Variants in IL19 observed in about 807,000 individuals in gnomAD.
The protein encoded by IL19 is interleukin-19.
A neutral mutation model predicts 19.5 loss-of-function variants in IL19; 15 were observed. That is an observed-to-expected ratio of 0.77 (90% CI 0.52 to 1.19). The LOEUF (loss-of-function observed/expected upper bound fraction) is 1.19. Among genes scored for constraint, IL19 ranks in the 50% most tolerant of loss-of-function variants. IL19 has a pLI of 0.00. For synonymous variants in IL19, 78 were observed against 78.3 expected (o/e 1.00, Z 0.02); for missense variants, 199 against 213.1 (o/e 0.93, Z 0.41).
intron 2 of IL19, among the ~76,000 whole-genome samples, chr1:206,816,819 C>A (rs902037051): frequency 3.9e-5 from 6 of 152,060 alleles, no homozygotes; most frequent in Non-Finnish European, 7.4e-5. Flanking sequence ...AATAGGTTAA[C>A]AGTGAAAGAA....
intron 2 of IL19, among the ~76,000 whole-genome samples, chr1:206,806,734 T>C (rs1675856207): frequency 6.6e-6 from 1 of 152,188 alleles, no homozygotes; most frequent in Admixed American, 6.5e-5. Context: ...CTTTCCACTA[T>C]CAATCTGGTA....
intron 2 of IL19, among the ~76,000 whole-genome samples, chr1:206,818,170 C>G (rs1360882574): frequency 1.3e-5 from 2 of 152,196 alleles, no homozygotes; most frequent in Non-Finnish European, 2.9e-5. Flanking sequence ...ACCAAGTTGG[C>G]CTAATTAACA....
intron 1 of IL19, among the ~76,000 whole-genome samples, chr1:206,780,229 C>G (rs1233827116): frequency 1.3e-5 from 2 of 152,120 alleles, no homozygotes; most frequent in Non-Finnish European, 2.9e-5. Flanking sequence ...TTTGATTGAC[C>G]TCTGTCTCTC....
intron 1 of IL19, chr1:206,772,343 G>T (rs912319533): frequency 3.1e-6 from 5 of 1,614,160 alleles, no homozygotes; most frequent in East Asian, 4.5e-5. Context: ...CTGGGAAGTG[G>T]GTGCAGCTGT....
chr1:206,823,008 C>T (rs1158119152), intron 2 of IL19, among the ~76,000 whole-genome samples: 1 of 151,538 alleles, frequency 6.6e-6, no homozygotes, highest in African/African-American at 2.4e-5. Context: ...CGGCTCACTG[C>T]AGCCTCCACC....
In IL19 at chr1:206,797,883, G is replaced by T. The variant is rs538077181; in HGVS notation, c.-148-978G>T. 2.6e-5 allele frequency among the ~76,000 whole-genome samples: 4 copies of T among 152,334 alleles called. No individual in the cohort carries two copies. The South Asian group carries it at 8.3e-4, about 32-fold the overall frequency. On this transcript the variant is annotated intron_variant, in intron 1 of 6. Transcript: ENST00000659997. ...TGAGATGAAGCAATTTCTGAAGAGG[G>T]TTAAGATAAAAACCTTAGATGTCAT...
chr1:206,813,375 T>C lies in IL19; in HGVS notation c.-3+14369T>C, dbSNP rs114655978. On this transcript the variant is annotated intron_variant, in intron 2 of 6. Coordinates refer to ENST00000659997, the MANE Select transcript of IL19 (RefSeq NM_153758.5). ...GAAGCTCCTTCATCATAACTTTTTT[T>C]TTCCCTTGTAGCAGCAGCTAAATCT... Among the ~76,000 whole-genome samples the C allele has an allele frequency of 5.7e-3, 875 of 152,328 alleles. 6 individuals are homozygous for C. The highest frequency in any genetic ancestry group is 9.5e-3 in the Non-Finnish European group (646 of 68,030).
chr1:206,781,841 GGTTATATATACATATATATGTATATA>G (rs869088904), intron 1 of IL19, among the ~76,000 whole-genome samples: 22 of 117,518 alleles, frequency 1.9e-4, no homozygotes, highest in Non-Finnish European at 3.1e-4. Context: ...CACTTATGTG[GGTTATATATACATATATATGTATATA>G]GTTATATATA....
At chr1:206,833,914 T>C (rs1341678653) in intron 2 of IL19, 1 of 985,422 alleles carries the variant, frequency 1.0e-6, no homozygotes, top group Non-Finnish European at 1.2e-6. Context: ...GCCTAAGGCA[T>C]TGGAGAACTG....
chr1:206,784,690 G>A (rs1675227144), intron 1 of IL19, among the ~76,000 whole-genome samples: 2 of 152,034 alleles, frequency 1.3e-5, no homozygotes, highest in South Asian at 2.1e-4. Context: ...TGGAAGGGAG[G>A]TGGTCACCTT....
chr1:206,808,576 G>A (rs1675918888), intron 2 of IL19, among the ~76,000 whole-genome samples: 1 of 151,934 alleles, frequency 6.6e-6, no homozygotes, highest in African/African-American at 2.4e-5. Context: ...GGTGAGCAGA[G>A]ATCTGGCACT....
chr1:206,771,000 C>T lies in IL19; in HGVS notation c.-227C>T, dbSNP rs746471077. The T allele has an allele frequency of 2.5e-6, 4 of 1,614,168 alleles. No homozygotes were observed. Among genetic ancestry groups the T allele is most frequent in the Non-Finnish European group, 3.4e-6 (4 of 1,179,998 alleles). ...CTGGGTCTTGGTTCTCAGCTTGGGG[C>T]ATCACCTCCTCCAGGTAAAACTGGA... On this transcript the variant is annotated 5_prime_UTR_variant, in exon 1 of 7. Coordinates refer to ENST00000659997, the MANE Select transcript of IL19 (RefSeq NM_153758.5).
intron 4 of IL19, among the ~76,000 whole-genome samples, chr1:206,838,392 C>T (rs1676871601): frequency 6.6e-6 from 1 of 152,146 alleles, no homozygotes; most frequent in Non-Finnish European, 1.5e-5. Context: ...TCTCTGCATA[C>T]GTGAGAGACA....
rs371498221 is a variant in IL19, at chr1:206,838,013, G to A, written c.210+990G>A. Among the ~76,000 whole-genome samples the A allele has an allele frequency of 4.6e-5, 7 of 152,324 alleles. No homozygotes were observed. The East Asian group carries it at 1.3e-3, about 29-fold the overall frequency. ...TAGGGGTAATTTTGGAAGGCCCCATGGGGGTATAAAAGAATAAAAGAAAAT... is the reference window on the plus strand; with the variant it reads ...TAGGGGTAATTTTGGAAGGCCCCATAGGGGTATAAAAGAATAAAAGAAAAT... On this transcript the variant is annotated intron_variant, in intron 4 of 6. Transcript: ENST00000659997.
At chr1:206,802,368 GT>G (rs915872811) in intron 2 of IL19, among the ~76,000 whole-genome samples, 34 of 151,208 alleles carry the variant, frequency 2.2e-4, no homozygotes, top group African/African-American at 6.1e-4. Context: ...TATCTGGGTG[GT>G]TTTTTTTTCT....
intron 2 of IL19, among the ~76,000 whole-genome samples, chr1:206,811,750 C>T (rs1020610125): frequency 6.6e-6 from 1 of 152,086 alleles, no homozygotes; most frequent in African/African-American, 2.4e-5. Context: ...TAAAGTAAGC[C>T]TCTGTTATGG....
In IL19 at chr1:206,770,815, T is replaced by C. The variant is rs576163523; in HGVS notation, c.-412T>C. 18 of 1,222,698 alleles carry C rather than the reference T, an allele frequency of 1.5e-5. No homozygotes were observed. The South Asian group carries it at 1.8e-4, about 12-fold the overall frequency. The allele number at this position is 1,222,698 out of a possible 1,614,324, so 75.7% of individuals were successfully genotyped here. A position where few individuals can be genotyped will look rare whatever the true frequency, so the allele number is the denominator to read the frequency against. ...AGCTAGCTCTGCCAGTCTGTGTCTT[T>C]GCTGTGTCTGTGGATGTGAGTGTCC... On this transcript the variant is annotated 5_prime_UTR_variant, in exon 1 of 7. Transcript: ENST00000659997.
intron 2 of IL19, among the ~76,000 whole-genome samples, chr1:206,829,615 C>A (rs1175631561): frequency 1.3e-5 from 2 of 152,022 alleles, no homozygotes; most frequent in Non-Finnish European, 2.9e-5. Context: ...ACTGGGAGGC[C>A]CCAGGGCGTT....
Position 206,836,821 on chromosome 1 carries a change from G to T in IL19, c.144+15G>T. 1 of 1,613,960 alleles carries T rather than the reference G, an allele frequency of 6.2e-7. No homozygotes were observed. Among genetic ancestry groups the T allele is most frequent in the Non-Finnish European group, 8.5e-7 (1 of 1,179,892 alleles). The stretch of plus-strand genomic sequence containing the variant: ...AAAGAGCCATCGTGAGTATGGGTTG[G>T]TGTAAAGGTGTGGATGACGGAGTAT... On this transcript the variant is annotated intron_variant, in intron 3 of 6. Transcript: ENST00000659997.
Sources: allele counts gnomAD v4.1 joint callset (sites outside exome capture counted in the v4.1 genomes callset), GRCh38; gene constraint gnomAD v4.1.1; transcripts MANE v1.5; gene names NCBI Gene and HGNC (gene_info 2026-07-23, HGNC 2026-07-21).